TAF4B: variants seen among roughly 807,000 people sequenced by gnomAD.
TAF4B encodes transcription initiation factor TFIID subunit 4B.
In TAF4B, 38 loss-of-function variants were observed where a neutral mutation model predicts 86.4. That is an observed-to-expected ratio of 0.44 (90% CI 0.34 to 0.58). TAF4B has a LOEUF of 0.58. Among genes scored for constraint, TAF4B ranks in the 20% least tolerant of loss-of-function variants. The probability of loss-of-function intolerance (pLI) is 0.02; values close to 1 mark genes in which losing one functional copy is unlikely to be tolerated. For synonymous variants in TAF4B, 388 were observed against 391.2 expected, an observed-to-expected ratio of 0.99 and a Z score of 0.10; for missense variants, 988 against 1,027.6, an observed-to-expected ratio of 0.96 and a Z score of 0.53.
At chr18:26,255,616 A>AAAAAAAAAT in intron 1 of TAF4B, 1 of 816,002 alleles carries the variant, frequency 1.2e-6, no homozygotes, top group Non-Finnish European at 1.9e-6. Flanking sequence ...AAAAAAAAAA[A>AAAAAAAAAT]AAGAGGGTCA....
At chr18:26,243,519 T>C (rs2055875096) in intron 1 of TAF4B, among the ~76,000 whole-genome samples, 1 of 152,154 alleles carries the variant, frequency 6.6e-6, no homozygotes, top group African/African-American at 2.4e-5. Flanking sequence ...TTGCAGTGGG[T>C]TCAAACATCC....
At chr18:26,349,088 G>T (rs1458652263) in intron 13 of TAF4B, 1 of 152,088 alleles carries the variant, frequency 6.6e-6, no homozygotes, top group Non-Finnish European at 1.5e-5. Flanking sequence ...TAATAACAAA[G>T]GATTTTTTTA....
chr18:26,330,179 C>T (rs1291527006), intron 12 of TAF4B, among the ~76,000 whole-genome samples: 1 of 152,188 alleles, frequency 6.6e-6, no homozygotes, highest in African/African-American at 2.4e-5. Context: ...TCAATTTATT[C>T]CCATGAACTC....
intron 7 of TAF4B, among the ~76,000 whole-genome samples, 171 bp downstream of exon 7, chr18:26,286,670 A>G (rs1480806682): frequency 1.3e-5 from 2 of 150,514 alleles, no homozygotes; most frequent in Non-Finnish European, 3.0e-5. Flanking sequence ...TTCTACTCAC[A>G]CCCACAAACA....
intron 13 of TAF4B, among the ~76,000 whole-genome samples, chr18:26,337,115 A>G (rs2057098080): frequency 6.6e-6 from 1 of 152,184 alleles, no homozygotes; most frequent in African/African-American, 2.4e-5. Context: ...AAACAAGGTT[A>G]AAGGAATTCA....
chr18:26,277,042 G>A (rs1366813115), intron 5 of TAF4B, among the ~76,000 whole-genome samples: 1 of 151,948 alleles, frequency 6.6e-6, no homozygotes, highest in African/African-American at 2.4e-5. Context: ...TGTTTTTTGT[G>A]GGGTTAACAT....
intron 1 of TAF4B, among the ~76,000 whole-genome samples, chr18:26,243,467 A>G (rs1444988963): frequency 6.6e-6 from 1 of 152,020 alleles, no homozygotes; most frequent in Non-Finnish European, 1.5e-5. Flanking sequence ...TGTTTATTCT[A>G]GTTAGTCATT....
At chr18:26,344,339 A>G (rs775108508) in intron 13 of TAF4B, among the ~76,000 whole-genome samples, 13 of 151,798 alleles carry the variant, frequency 8.6e-5, no homozygotes, top group Non-Finnish European at 1.6e-4. Flanking sequence ...TTCTCATTAG[A>G]AAGCAAATAG....
chr18:26,283,363 A>G (rs1310959110), intron 6 of TAF4B, among the ~76,000 whole-genome samples: 2 of 152,166 alleles, frequency 1.3e-5, no homozygotes, highest in Non-Finnish European at 2.9e-5. Context: ...CTCCTTGTAC[A>G]TCTCTATCAG....
At chr18:26,270,197 G>A (rs942859944) in intron 3 of TAF4B, among the ~76,000 whole-genome samples, 8 of 152,132 alleles carry the variant, frequency 5.3e-5, no homozygotes, top group Non-Finnish European at 1.0e-4. Context: ...ATGTTGTGCT[G>A]GGATAACTGA....
intron 1 of TAF4B, among the ~76,000 whole-genome samples, chr18:26,259,652 A>G (rs1179214830): frequency 6.6e-6 from 1 of 152,144 alleles, no homozygotes; most frequent in Non-Finnish European, 1.5e-5. Flanking sequence ...CATAGTGTAT[A>G]TGTGCCACAT....
rs1568147893 is a variant in TAF4B at position 26,315,137 on chromosome 18, TCTCTCTCTG to T, written c.1833-91_1833-83del. 162 of 376,480 alleles carry T rather than the reference TCTCTCTCTG, an allele frequency of 4.3e-4. 1 individual carries two copies. Among genetic ancestry groups the T allele is most frequent in the Admixed American group, 1.2e-3 (21 of 17,484 alleles). 23.3% of individuals were successfully genotyped at this position (376,480 alleles called of 1,614,324 possible). On this transcript the variant is annotated intron_variant, in intron 9 of 14. Coordinates refer to ENST00000269142, the MANE Select transcript of TAF4B (RefSeq NM_005640.3). ...CTCTCTCTCTCTCTCTCTCTCTCTC[TCTCTCTCTG>T]TCTCTCTCTCTCTCTCACACACACA...
In TAF4B at chr18:26,292,522, T is replaced by G. The variant is rs541619093; in HGVS notation, c.1726+141T>G. 24 of 886,226 alleles carry G rather than the reference T, an allele frequency of 2.7e-5. No individual in the cohort carries two copies. In the Admixed American group the frequency reaches 4.6e-4, roughly 17 times the overall value. The allele number at this position is 886,226 out of a possible 1,614,324, so 54.9% of individuals were successfully genotyped here. A position where few individuals can be genotyped will look rare whatever the true frequency, so the allele number is the denominator to read the frequency against. ...CCATTGAGAGAAAACAGAAAGATAA[T>G]CGTTAGATTTCTCTCCCCAGACGGA... On this transcript the variant is annotated intron_variant, in intron 8 of 14. Transcript: ENST00000269142.
chr18:26,358,804 A>C (rs2057309122), intron 14 of TAF4B, among the ~76,000 whole-genome samples: 1 of 152,198 alleles, frequency 6.6e-6, no homozygotes, highest in Non-Finnish European at 1.5e-5. Context: ...CTCTGAGATA[A>C]GGTCAGCAAT....
intron 2 of TAF4B, 113 bp downstream of exon 2, chr18:26,265,428 G>T: frequency 8.0e-7 from 1 of 1,250,884 alleles, no homozygotes. Flanking sequence ...ATTCTATTCA[G>T]CTTTTTAGGT....
At chr18:26,349,658 CTG>C (rs1351543958) in intron 13 of TAF4B, among the ~76,000 whole-genome samples, 1 of 152,210 alleles carries the variant, frequency 6.6e-6, no homozygotes, top group African/African-American at 2.4e-5. Flanking sequence ...AATGCAATCT[CTG>C]TCAAAATACC....
intron 1 of TAF4B, among the ~76,000 whole-genome samples, chr18:26,231,407 C>CA (rs1383835285): frequency 7.4e-6 from 1 of 135,150 alleles, no homozygotes; most frequent in Non-Finnish European, 1.5e-5. Flanking sequence ...GGTTGGAGTA[C>CA]AGTGGCATGA....
chr18:26,314,055 T>G (rs867213677), intron 9 of TAF4B, among the ~76,000 whole-genome samples: 1 of 152,200 alleles, frequency 6.6e-6, no homozygotes, highest in Admixed American at 6.5e-5. Flanking sequence ...TTTTTTAAAG[T>G]TGAACACCAG....
intron 1 of TAF4B, chr18:26,255,873 T>A (rs2144511521): frequency 4.7e-6 from 6 of 1,287,054 alleles, no homozygotes; most frequent in Non-Finnish European, 6.8e-6. Flanking sequence ...GTATGTGAGA[T>A]CTAAAAAGGA....
Sources: gnomAD v4.1 joint callset for allele counts (sites outside exome capture counted in the v4.1 genomes callset) on GRCh38, gnomAD v4.1.1 for gene constraint, MANE v1.5 for transcripts, NCBI Gene and HGNC (gene_info 2026-07-23, HGNC 2026-07-21) for gene names.